HAUS2: variants seen among roughly 807,000 people sequenced by gnomAD.
HAUS2 encodes the protein HAUS augmin like complex subunit 2, also known as HAUS augmin-like complex subunit 2.
HAUS2 carries 20 observed loss-of-function variants against 21.6 expected under a neutral mutation model. The ratio of observed to expected loss-of-function variants is 0.93; its 90% CI spans 0.65 to 1.35. The LOEUF is 1.35. HAUS2 is among the 40% of genes most tolerant of loss of function. HAUS2 has a pLI of 0.00. For synonymous variants in HAUS2, 113 were observed against 95.6 expected, an observed-to-expected ratio of 1.18 and a Z score of -1.06; for missense variants, 297 against 280.7, an observed-to-expected ratio of 1.06 and a Z score of -0.42.
In HAUS2 at chr15:42,566,590, C is replaced by T. The variant is rs761496121; in HGVS notation, c.499-17C>T. ...AAGAGACATAATTTCTCCTGTTTCC[C>T]TTTTCAAATGTTACAGAACCAGGCT... is the stretch of plus-strand genomic sequence containing the variant. On this transcript the variant is annotated splice_polypyrimidine_tract_variant and intron_variant, in intron 5 of 5. Transcript: ENST00000260372. The T allele has an allele frequency of 2.1e-6, 3 of 1,400,448 alleles. No homozygotes were observed. Among genetic ancestry groups the T allele is most frequent in the Non-Finnish European group, 3.0e-6 (3 of 987,260 alleles). The allele number at this position is 1,400,448 out of a possible 1,614,324, so 86.8% of individuals were successfully genotyped here. A position where few individuals can be genotyped will look rare whatever the true frequency, so the allele number is the denominator to read the frequency against.
At chr15:42,563,527 GTC>G (rs1477539953) in intron 4 of HAUS2, among the ~76,000 whole-genome samples, 1 of 151,536 alleles carries the variant, frequency 6.6e-6, no homozygotes, top group African/African-American at 2.4e-5. Context: ...GATTACTGTT[GTC>G]TCTTTCCATT....
intron 5 of HAUS2, among the ~76,000 whole-genome samples, chr15:42,564,210 G>A (rs1328083495): frequency 6.6e-6 from 1 of 150,422 alleles, no homozygotes; most frequent in Non-Finnish European, 1.5e-5. Context: ...AAGTTGCAGT[G>A]AGCTGAGATC....
At chr15:42,557,065 A>G (rs1346703992) in intron 1 of HAUS2, among the ~76,000 whole-genome samples, 1 of 151,018 alleles carries the variant, frequency 6.6e-6, no homozygotes, top group Non-Finnish European at 1.5e-5. Flanking sequence ...CTGTAATCGC[A>G]GCATTTTGGG....
intron 5 of HAUS2, among the ~76,000 whole-genome samples, chr15:42,566,126 C>G (rs931720646): frequency 2.6e-5 from 4 of 151,642 alleles, no homozygotes; most frequent in Admixed American, 1.3e-4. Context: ...CGCTTGAACC[C>G]AGGAGACGGA....
In HAUS2 at chr15:42,548,839, C is replaced by T. The variant is rs1281854469; in HGVS notation, c.-34C>T. 2.0e-6 allele frequency: 3 copies of T among 1,505,994 alleles called. No individual in the cohort carries two copies. The highest frequency in any genetic ancestry group is 1.4e-5 in the African/African-American group (1 of 72,112). The allele number at this position is 1,505,994 out of a possible 1,614,324, so 93.3% of individuals were successfully genotyped here. On this transcript the variant is annotated 5_prime_UTR_variant, in exon 1 of 6. Transcript: ENST00000260372. ...TGCGTTCGCCCTGCGATCCCGCTCACTCTTGGCGCCTTCGCGGAAGGTGCG... is the reference window on the plus strand; with the variant it reads ...TGCGTTCGCCCTGCGATCCCGCTCATTCTTGGCGCCTTCGCGGAAGGTGCG...
chr15:42,564,064 G>A lies in HAUS2; in HGVS notation c.498+207G>A, dbSNP rs530684034. Among the ~76,000 whole-genome samples the A allele has an allele frequency of 1.3e-5, 2 of 151,966 alleles. 1 individual carries two copies. The highest frequency in any genetic ancestry group is 4.2e-4 in the South Asian group (2 of 4,806). ...GTGGATCACTTGAGGTCAGGAGTTG[G>A]AGACCAGCCTGGCCAACATGGTGAA... is the stretch of plus-strand genomic sequence containing the variant. On this transcript the variant is annotated intron_variant, in intron 5 of 5. Coordinates refer to ENST00000260372, the MANE Select transcript of HAUS2 (RefSeq NM_018097.3).
At position 42,567,739 on chromosome 15, in the gene HAUS2, G is replaced by A. The variant is rs1278073851; in HGVS notation, c.*923G>A. On this transcript the variant is annotated 3_prime_UTR_variant, in exon 6 of 6. Transcript: ENST00000260372. ...GACGCCTGTAATCCCAGCTACTTGG[G>A]AGGCTGAGGCAGAATAATCGCTTGA... 6.6e-6 allele frequency: 1 copy of A among 152,326 alleles called. No individual in the cohort carries two copies. Among genetic ancestry groups the A allele is most frequent in the African/African-American group, 2.4e-5 (1 of 41,460 alleles). 9.4% of individuals were successfully genotyped at this position (152,326 alleles called of 1,614,324 possible).
In HAUS2 at chr15:42,567,866, A is replaced by G. The variant is rs2057921392; in HGVS notation, c.*1050A>G. The G allele has an allele frequency of 6.6e-6, 1 of 151,920 alleles. No homozygotes were observed. Among genetic ancestry groups the G allele is most frequent in the Non-Finnish European group, 1.5e-5 (1 of 68,018 alleles). 9.4% of individuals were successfully genotyped at this position (151,920 alleles called of 1,614,324 possible). A position where few individuals can be genotyped will look rare whatever the true frequency, so the allele number is the denominator to read the frequency against. On this transcript the variant is annotated 3_prime_UTR_variant, in exon 6 of 6. Transcript: ENST00000260372. Reference sequence around the variant, plus strand: ...CTCCAAAAAAATAAAAAATACAAAAATTAGCCAGGCATGGTAGCATGTGCC... The same window carrying G: ...CTCCAAAAAAATAAAAAATACAAAAGTTAGCCAGGCATGGTAGCATGTGCC...
intron 3 of HAUS2, 134 bp downstream of exon 3, chr15:42,559,542 G>C (rs973315325): frequency 3.2e-6 from 2 of 621,726 alleles, no homozygotes; most frequent in Non-Finnish European, 5.8e-6. Flanking sequence ...ATGAAATCTT[G>C]TATTTCTATG....
rs2057923484 is a variant in HAUS2, at chr15:42,568,029, AAAG to A, written c.*1214_*1216del. 6.6e-6 allele frequency: 1 copy of A among 152,178 alleles called. No individual in the cohort carries two copies. The highest frequency in any genetic ancestry group is 6.6e-5 in the Admixed American group (1 of 15,260). 9.4% of individuals were successfully genotyped at this position (152,178 alleles called of 1,614,324 possible). On this transcript the variant is annotated 3_prime_UTR_variant, in exon 6 of 6. Transcript: ENST00000260372. ...AGACTCTGTCTTAAAAAAAAAAAAA[AAAG>A]GTGTTTCTGAATTAGAAGGGTCTTC... is the stretch of plus-strand genomic sequence containing the variant.
intron 4 of HAUS2, among the ~76,000 whole-genome samples, chr15:42,562,426 C>G (rs2057861652): frequency 6.6e-6 from 1 of 152,136 alleles, no homozygotes; most frequent in Non-Finnish European, 1.5e-5. Context: ...GAAACCCCAT[C>G]TCTACCAAAA....
At chr15:42,558,397 G>C (rs556936041) in intron 2 of HAUS2, 107 bp downstream of exon 2, 1 of 556,744 alleles carries the variant, frequency 1.8e-6, no homozygotes, top group Non-Finnish European at 3.1e-6. Flanking sequence ...GCACAATCTC[G>C]GCTCACTGCA....
chr15:42,550,455 G>A (rs187048654), intron 1 of HAUS2, among the ~76,000 whole-genome samples: 9 of 152,270 alleles, frequency 5.9e-5, no homozygotes, highest in Admixed American at 2.0e-4. Flanking sequence ...ACTGTTAAAG[G>A]AGAATTAGAT....
intron 5 of HAUS2, 94 bp downstream of exon 5, chr15:42,563,951 C>A: frequency 5.6e-6 from 4 of 712,890 alleles, no homozygotes; most frequent in Non-Finnish European, 1.0e-5. Flanking sequence ...ATATTACGAG[C>A]TAGTTAATTT....
rs752563550 is a variant in HAUS2 at position 42,559,384 on chromosome 15, G to A, written c.232G>A (p.Asp78Asn). Reference sequence around the variant, plus strand: ...CCTGAAACTAGAAAAAGATACAGCAGATGTTGTTCATCCTTTCTTTTTGGG... The same window carrying A: ...CCTGAAACTAGAAAAAGATACAGCAAATGTTGTTCATCCTTTCTTTTTGGG... ...ELLKLEKDTADVVHPFFLAQK... is the reference protein window; with the variant it reads ...ELLKLEKDTANVVHPFFLAQK... Residue 78 changes from aspartate (D) to asparagine (N), a missense_variant, in exon 3 of 6, where the codon GAT becomes AAT. Physicochemically the swap from Asp to Asn is conservative, Grantham distance 23. Transcript: ENST00000260372. The A allele has an allele frequency of 1.4e-5, 23 of 1,605,334 alleles. No individual in the cohort carries two copies. In the East Asian group the frequency reaches 5.1e-4, roughly 36 times the overall value.
intron 1 of HAUS2, among the ~76,000 whole-genome samples, chr15:42,555,115 G>A (rs1228208315): frequency 1.3e-5 from 2 of 151,094 alleles, no homozygotes; most frequent in Admixed American, 6.6e-5. Flanking sequence ...ACAGCCTCCC[G>A]AGTAGCTGGG....
chr15:42,552,882 T>C (rs2057738977), intron 1 of HAUS2, among the ~76,000 whole-genome samples: 1 of 152,048 alleles, frequency 6.6e-6, no homozygotes. Flanking sequence ...TTAATGTCCC[T>C]CAGCTAGAAT....
At chr15:42,552,607 G>T (rs755141986) in intron 1 of HAUS2, among the ~76,000 whole-genome samples, 1 of 152,100 alleles carries the variant, frequency 6.6e-6, no homozygotes, top group Non-Finnish European at 1.5e-5. Flanking sequence ...GGATAATGGG[G>T]TATTGCTTTA....
At chr15:42,552,462 C>G (rs1321277479) in intron 1 of HAUS2, among the ~76,000 whole-genome samples, 1 of 152,128 alleles carries the variant, frequency 6.6e-6, no homozygotes, top group Non-Finnish European at 1.5e-5. Context: ...TTCCTGCTGG[C>G]AAGGATTTTT....
Sources: gnomAD v4.1 joint callset for allele counts (sites outside exome capture counted in the v4.1 genomes callset) on GRCh38, gnomAD v4.1.1 for gene constraint, MANE v1.5 for transcripts, NCBI Gene and HGNC (gene_info 2026-07-23, HGNC 2026-07-21) for gene names.